TBXAS1: variants seen among roughly 807,000 people sequenced by gnomAD.
TBXAS1 encodes thromboxane A synthase 1.
Under a neutral mutation model 60.7 loss-of-function variants are expected in TBXAS1, and 48 were observed. The ratio of observed to expected loss-of-function variants is 0.79; its 90% CI spans 0.63 to 1.01. The LOEUF is 1.01. Ranked by LOEUF, TBXAS1 falls within the 50% of genes least tolerant of loss-of-function variation. TBXAS1 has a pLI of 0.00. For missense variants in TBXAS1, 685 were observed against 686.3 expected, an observed-to-expected ratio of 1.00 and a Z score of 0.02; for synonymous variants, 287 against 269.7, an observed-to-expected ratio of 1.06 and a Z score of -0.63.
rs899557506 is a variant in TBXAS1, at chr7:140,004,365, G to C, written c.1135-2726G>C. 3.9e-5 allele frequency among the ~76,000 whole-genome samples: 6 copies of C among 152,190 alleles called. No homozygotes were observed. Among genetic ancestry groups the C allele is most frequent in the Admixed American group, 1.3e-4 (2 of 15,286 alleles). ...TCCATTTACTGTTGTTCTAAGTAAA[G>C]AAAACTCAATGTTAAATTATTAGCA... On this transcript the variant is annotated intron_variant, in intron 9 of 12. Transcript: ENST00000448866. The surrounding 1 kb of genome is among the most constrained non-coding windows in gnomAD (Gnocchi z 5.1).
chr7:139,804,896 G>T (rs1797809110), intron 4 of TBXAS1, among the ~76,000 whole-genome samples: 1 of 152,150 alleles, frequency 6.6e-6, no homozygotes, highest in Non-Finnish European at 1.5e-5. Context: ...GTATGAAAAT[G>T]GACTAATACA....
intron 1 of TBXAS1, among the ~76,000 whole-genome samples, chr7:139,863,228 T>C (rs186060860): frequency 1.3e-5 from 2 of 152,356 alleles, no homozygotes; most frequent in East Asian, 1.9e-4. Context: ...AATATACATG[T>C]ATAATATATT....
chr7:139,903,935 G>A (rs532647254), intron 3 of TBXAS1, among the ~76,000 whole-genome samples: 16 of 151,960 alleles, frequency 1.1e-4, no homozygotes, highest in African/African-American at 3.6e-4. Context: ...TCCTTTTACC[G>A]TACAAAAGCT....
At chr7:140,006,860 C>T (rs2116385244) in intron 9 of TBXAS1, among the ~76,000 whole-genome samples, 1 of 152,292 alleles carries the variant, frequency 6.6e-6, no homozygotes, top group East Asian at 1.9e-4. Context: ...CCAAACTTCT[C>T]TGTATTACGA....
chr7:139,835,436 T>C (rs1798995541), intron 1 of TBXAS1, among the ~76,000 whole-genome samples: 1 of 152,118 alleles, frequency 6.6e-6, no homozygotes. Flanking sequence ...TAATCCACCA[T>C]GATCAAGTTG....
intron 3 of TBXAS1, chr7:139,906,170 C>T (rs1359682811): frequency 2.5e-5 from 8 of 316,962 alleles, no homozygotes. Context: ...ATTCTCCTGC[C>T]TCAGCCTCCT....
intron 3 of TBXAS1, among the ~76,000 whole-genome samples, chr7:139,878,682 G>T (rs566940316): frequency 2.8e-4 from 43 of 152,292 alleles, no homozygotes; most frequent in African/African-American, 1.0e-3. Context: ...TAGCAACATA[G>T]TTTCACTCAT....
chr7:139,817,936 T>A (rs1798192971), intron 4 of TBXAS1, among the ~76,000 whole-genome samples: 1 of 152,230 alleles, frequency 6.6e-6, no homozygotes, highest in Admixed American at 6.5e-5. Context: ...GCACCATTGT[T>A]ACCTGATGGC....
At chr7:139,920,766 A>G (rs1569513842) in intron 4 of TBXAS1, among the ~76,000 whole-genome samples, 1 of 152,208 alleles carries the variant, frequency 6.6e-6, no homozygotes, top group Admixed American at 6.5e-5. Context: ...TGTTTGGCTG[A>G]TGAGGTCTAA....
intron 4 of TBXAS1, among the ~76,000 whole-genome samples, chr7:139,809,952 A>G (rs1797985230): frequency 6.6e-6 from 1 of 152,132 alleles, no homozygotes; most frequent in African/African-American, 2.4e-5. Context: ...TAACCATCAT[A>G]GTGATAATTT....
intron 4 of TBXAS1, among the ~76,000 whole-genome samples, chr7:139,812,653 C>T (rs527467651): frequency 1.3e-5 from 2 of 152,320 alleles, no homozygotes; most frequent in East Asian, 1.9e-4. Flanking sequence ...TCTCCACATT[C>T]CTATCCCCAG....
chr7:140,007,098 C>T lies in TBXAS1; in HGVS notation c.1142C>T (p.Pro381Leu), dbSNP rs1263498447. 2 of 1,614,178 alleles carry T rather than the reference C, an allele frequency of 1.2e-6. No homozygotes were observed. The highest frequency in any genetic ancestry group is 2.2e-5 in the South Asian group (2 of 91,084). Residue 381 changes from proline to leucine, a missense_variant, in exon 10 of 13, where the codon CCT becomes CTT. Pro to Leu is a moderately conservative substitution (Grantham distance 98). Coordinates refer to ENST00000448866, the MANE Select transcript of TBXAS1 (RefSeq NM_001061.7). ...TCACGACCCCTCCATCAGATGGCCCCTGAGTTCTGCAGCCTCGAGGAAGGC... is the reference window on the plus strand; with the variant it reads ...TCACGACCCCTCCATCAGATGGCCCTTGAGTTCTGCAGCCTCGAGGAAGGC... ...VDVFKEKHMA[P>L]EFCSLEEGLP...
At chr7:139,993,549 A>C (rs1311772632) in intron 9 of TBXAS1, among the ~76,000 whole-genome samples, 1 of 152,046 alleles carries the variant, frequency 6.6e-6, no homozygotes, top group Non-Finnish European at 1.5e-5. Context: ...GCACTTCTCC[A>C]CAAGGCCTTG....
At chr7:139,789,630 T>C (rs1797314131) in intron 4 of TBXAS1, 1 of 150,376 alleles carries the variant, frequency 6.6e-6, no homozygotes, top group Non-Finnish European at 1.5e-5. Context: ...CACTGTATCC[T>C]GTAAGCATTT....
chr7:139,893,369 G>C (rs1200421318), intron 3 of TBXAS1, among the ~76,000 whole-genome samples: 4 of 68,174 alleles, frequency 5.9e-5, no homozygotes, highest in South Asian at 7.7e-4. Flanking sequence ...CACACACACA[G>C]CTCCCTTCAA....
At chr7:139,875,527 T>C in intron 2 of TBXAS1, 58 bp from the exon 3 acceptor site, 3 of 1,464,788 alleles carry the variant, frequency 2.0e-6, no homozygotes, top group African/African-American at 1.4e-5. Flanking sequence ...CTGAATAAGT[T>C]TGAATAATTG....
chr7:139,827,877 A>G (rs1394567518), upstream of TBXAS1, among the ~76,000 whole-genome samples: 2 of 152,164 alleles, frequency 1.3e-5, no homozygotes, highest in East Asian at 1.9e-4. Context: ...TTTCCTTTAC[A>G]GGTTACCTGG....
intron 5 of TBXAS1, among the ~76,000 whole-genome samples, chr7:139,950,725 G>A (rs532198614): frequency 1.4e-3 from 182 of 130,532 alleles, no homozygotes; most frequent in Middle Eastern, 9.0e-3. Flanking sequence ...CTCCATCTAC[G>A]GGACCCCCTC....
intron 4 of TBXAS1, among the ~76,000 whole-genome samples, chr7:139,933,093 A>G (rs1807464016): frequency 1.3e-5 from 2 of 152,200 alleles, no homozygotes; most frequent in Admixed American, 6.5e-5. Context: ...AAATAAAAAC[A>G]TTACAATAAT....
Sources: gnomAD v4.1 joint callset for allele counts (sites outside exome capture counted in the v4.1 genomes callset) on GRCh38, gnomAD v4.1.1 for gene constraint, Gnocchi (gnomAD v3.1) non-coding constraint, MANE v1.5 for transcripts, NCBI Gene and HGNC (gene_info 2026-07-23, HGNC 2026-07-21) for gene names.